Variants in FFAR1 observed in about 807,000 individuals in gnomAD.
FFAR1 encodes the protein free fatty acid receptor 1.
For synonymous variants in FFAR1, 216 were observed against 201.5 expected, an observed-to-expected ratio of 1.07 and a Z score of -0.61; for missense variants, 424 against 396.2, an observed-to-expected ratio of 1.07 and a Z score of -0.60.
At chr19:35,352,465 CG>C (rs755702794) in exon 1 of FFAR1, 13 of 1,548,978 alleles carry the variant, frequency 8.4e-6, no homozygotes, top group South Asian at 8.3e-5. Flanking sequence ...CGCCACTGCT[CG>C]GGGGAAGGAG....
chr19:35,350,952 C>T (rs547937786), upstream of FFAR1, among the ~76,000 whole-genome samples: 635 of 152,284 alleles, frequency 4.2e-3, 5 homozygotes, highest in African/African-American at 0.015. Context: ...ATGGATGGGG[C>T]CTGGCTGACC....
exon 1 of FFAR1, chr19:35,351,675 C>T: frequency 1.3e-6 from 2 of 1,558,944 alleles, no homozygotes; most frequent in Non-Finnish European, 1.7e-6. Context: ...CACCCCTAGC[C>T]TGGTCTACGC....
At chr19:35,351,935 G>A (rs1234900277) in exon 1 of FFAR1, 1 of 1,614,128 alleles carries the variant, frequency 6.2e-7, no homozygotes, top group Admixed American at 1.7e-5. Flanking sequence ...GGGTGTGCGC[G>A]GCCATCTGGG....
chr19:35,347,929 T>C (rs1175694848), upstream of FFAR1, among the ~76,000 whole-genome samples: 1 of 151,188 alleles, frequency 6.6e-6, no homozygotes, highest in Non-Finnish European at 1.5e-5. Flanking sequence ...CGAGGTCCTC[T>C]GCACCCGTTC....
chr19:35,353,309 C>T (rs796252187), exon 1 of FFAR1: 18 of 152,154 alleles, frequency 1.2e-4, no homozygotes, highest in African/African-American at 4.3e-4. Context: ...AGTGAGACCC[C>T]CACCTCTACA....
At chr19:35,352,134 T>C in exon 1 of FFAR1, 4 of 1,611,470 alleles carry the variant, frequency 2.5e-6, no homozygotes, top group Non-Finnish European at 3.4e-6. Context: ...TTTTCTGCCC[T>C]TGGCCATCAC....
chr19:35,348,063 T>G (rs1208211690), upstream of FFAR1, among the ~76,000 whole-genome samples: 1 of 152,230 alleles, frequency 6.6e-6, no homozygotes, highest in African/African-American at 2.4e-5. Flanking sequence ...CCCATTCTCC[T>G]TAGAGGGCAG....
chr19:35,352,922 G>T (rs533663071), exon 1 of FFAR1: 4 of 182,190 alleles, frequency 2.2e-5, no homozygotes, highest in Non-Finnish European at 4.7e-5. Flanking sequence ...TAATGACGCT[G>T]TTATACCATG....
upstream of FFAR1, among the ~76,000 whole-genome samples, chr19:35,350,327 A>G (rs2066938715): frequency 6.6e-6 from 1 of 152,014 alleles, no homozygotes; most frequent in Admixed American, 6.5e-5. Context: ...GCAGAACCGC[A>G]CCCGGGTGTG....
At position 35,352,817 on chromosome 19, in the gene FFAR1, C is replaced by A. The variant is rs566498246; in HGVS notation, c.*363C>A. 6.0e-4 allele frequency: 201 copies of A among 332,986 alleles called. 5 individuals carry two copies. In the South Asian group the frequency reaches 7.5e-3, roughly 12 times the overall value. 20.6% of individuals were successfully genotyped at this position (332,986 alleles called of 1,614,324 possible). A position where few individuals can be genotyped will look rare whatever the true frequency, so the allele number is the denominator to read the frequency against. On this transcript the variant is annotated 3_prime_UTR_variant, in exon 1 of 1. Coordinates refer to ENST00000246553, the Ensembl canonical transcript of FFAR1. ...GTCTGTTTCTGACCCACAGGAACTG[C>A]CACTCCGGTGATGCACTTGAGGACA...
chr19:35,351,857 A>G, exon 1 of FFAR1: 1 of 1,612,694 alleles, frequency 6.2e-7, no homozygotes, highest in Non-Finnish European at 8.5e-7. Context: ...CCCTGAGTGC[A>G]GGCCGCTACC....
chr19:35,348,029 C>T (rs997179799), upstream of FFAR1, among the ~76,000 whole-genome samples: 15 of 152,366 alleles, frequency 9.8e-5, no homozygotes, highest in African/African-American at 3.6e-4. Context: ...CACCCATTCA[C>T]CTGCTTCTGC....
upstream of FFAR1, chr19:35,351,405 C>A: frequency 2.8e-6 from 2 of 709,792 alleles, no homozygotes; most frequent in Admixed American, 2.6e-5. Flanking sequence ...TCGTTTCCTC[C>A]CTGATCCCAC....
chr19:35,351,652 C>T, exon 1 of FFAR1: 1 of 1,549,776 alleles, frequency 6.5e-7, no homozygotes, highest in Non-Finnish European at 8.7e-7. Context: ...ACGGCCCACG[C>T]CCGGCTCCGT....
At chr19:35,352,680 G>A (rs2066951087) in exon 1 of FFAR1, 3 of 589,764 alleles carry the variant, frequency 5.1e-6, no homozygotes, top group South Asian at 4.2e-5. Context: ...TGCACGTGTC[G>A]AGGAAGTTTG....
upstream of FFAR1, among the ~76,000 whole-genome samples, chr19:35,349,808 T>C (rs922071376): frequency 6.6e-6 from 1 of 152,004 alleles, no homozygotes; most frequent in African/African-American, 2.4e-5. Flanking sequence ...AGAGACAGAC[T>C]GACAGACAGA....
chr19:35,352,381 G>A, exon 1 of FFAR1: 2 of 1,553,916 alleles, frequency 1.3e-6, no homozygotes, highest in South Asian at 1.2e-5. Context: ...CTGGTGACCG[G>A]TTACTTGGGA....
At chr19:35,351,336 G>C (rs1301234193), upstream of FFAR1, among the ~76,000 whole-genome samples, 1 of 152,178 alleles carries the variant, frequency 6.6e-6, no homozygotes, top group Non-Finnish European at 1.5e-5. Context: ...GGGGGCCACA[G>C]GTCCTGGCTT....
At chr19:35,350,453 G>A (rs915891253), upstream of FFAR1, among the ~76,000 whole-genome samples, 4 of 152,190 alleles carry the variant, frequency 2.6e-5, no homozygotes, top group South Asian at 2.1e-4. Flanking sequence ...GCCCAGGGGT[G>A]CATCAAGGGT....
Sources: gnomAD v4.1 joint callset for allele counts (sites outside exome capture counted in the v4.1 genomes callset) on GRCh38, gnomAD v4.1.1 for gene constraint, MANE v1.5 for transcripts, NCBI Gene and HGNC (gene_info 2026-07-23, HGNC 2026-07-21) for gene names.